Variants in LHFPL4 observed in about 807,000 individuals in gnomAD.
The protein encoded by LHFPL4 is LHFPL tetraspan subfamily member 4.
Under a neutral mutation model 20.0 loss-of-function variants are expected in LHFPL4, and 6 were observed. The observed-to-expected ratio is 0.30, with a 90% CI of 0.16 to 0.59. LHFPL4 has a LOEUF of 0.59. Ranked by LOEUF, LHFPL4 falls within the 20% of genes least tolerant of loss-of-function variation. The pLI is 0.88. For missense variants in LHFPL4, 215 were observed against 331.2 expected (o/e 0.65, Z 2.72); for synonymous variants, 129 against 143.8 (o/e 0.90, Z 0.74).
intron 2 of LHFPL4, among the ~76,000 whole-genome samples, chr3:9,528,971 G>A (rs2046392226): frequency 6.6e-6 from 1 of 150,626 alleles, no homozygotes; most frequent in Admixed American, 6.6e-5. Context: ...AGGCTGGAGT[G>A]CAGTAGCACG....
chr3:9,515,063 T>C (rs2046289992), intron 2 of LHFPL4, among the ~76,000 whole-genome samples: 1 of 152,218 alleles, frequency 6.6e-6, no homozygotes, highest in South Asian at 2.1e-4. Context: ...ACATTTATTT[T>C]TATAAGAAAC....
chr3:9,539,753 T>C (rs1275409757), intron 2 of LHFPL4, among the ~76,000 whole-genome samples: 2 of 152,078 alleles, frequency 1.3e-5, no homozygotes, highest in Non-Finnish European at 2.9e-5. Flanking sequence ...TAAAGAGCTC[T>C]TACAAATCAA....
intron 2 of LHFPL4, among the ~76,000 whole-genome samples, chr3:9,545,920 A>G (rs2046508994): frequency 6.6e-6 from 1 of 151,852 alleles, no homozygotes; most frequent in South Asian, 2.1e-4. Context: ...AATAAAAGAA[A>G]AGAAAGAAAG....
intron 2 of LHFPL4, among the ~76,000 whole-genome samples, chr3:9,515,408 C>G (rs998831934): frequency 3.3e-5 from 5 of 152,302 alleles, no homozygotes; most frequent in Admixed American, 3.3e-4. Flanking sequence ...GAGTCTCGCT[C>G]TGTTGCCCAG....
chr3:9,515,009 G>T (rs887597030), intron 2 of LHFPL4, among the ~76,000 whole-genome samples: 2 of 151,978 alleles, frequency 1.3e-5, no homozygotes, highest in African/African-American at 4.8e-5. Flanking sequence ...TATTCCTTTG[G>T]GTAAATACCA....
At chr3:9,511,697 G>C (rs1355108151) in intron 2 of LHFPL4, among the ~76,000 whole-genome samples, 1 of 152,212 alleles carries the variant, frequency 6.6e-6, no homozygotes, top group Admixed American at 6.5e-5. Flanking sequence ...AGTGCTCTGA[G>C]CCTGAGGGCC....
chr3:9,539,973 G>A (rs1239283851), intron 2 of LHFPL4, among the ~76,000 whole-genome samples: 1 of 152,154 alleles, frequency 6.6e-6, no homozygotes, highest in Admixed American at 6.6e-5. Flanking sequence ...AGGACATGGA[G>A]GAACAGGTAC....
intron 2 of LHFPL4, among the ~76,000 whole-genome samples, chr3:9,510,582 G>A (rs2046251410): frequency 6.6e-6 from 1 of 152,040 alleles, no homozygotes; most frequent in African/African-American, 2.4e-5. Flanking sequence ...GCCAGGAGGT[G>A]TTATGACAAA....
At chr3:9,516,471 T>A (rs2046302705) in intron 2 of LHFPL4, among the ~76,000 whole-genome samples, 1 of 151,862 alleles carries the variant, frequency 6.6e-6, no homozygotes, top group Non-Finnish European at 1.5e-5. Context: ...TACCACACTG[T>A]CTTTTTTTTT....
intron 2 of LHFPL4, among the ~76,000 whole-genome samples, chr3:9,542,527 C>T (rs552116684): frequency 1.3e-5 from 2 of 152,092 alleles, no homozygotes; most frequent in East Asian, 3.9e-4. Flanking sequence ...TATATAGTGC[C>T]CTGACATGGT....
chr3:9,517,307 A>G (rs2046309788), intron 2 of LHFPL4, among the ~76,000 whole-genome samples: 2 of 152,160 alleles, frequency 1.3e-5, no homozygotes. Flanking sequence ...AAGAACAAAC[A>G]TCTTGAAAAT....
rs146107164 is a variant in LHFPL4, at chr3:9,525,710, G to A, written c.407-19507C>T. ...AAGAGCAAGATTTCTTTGACACAAC[G>A]TCATCTGAAAAAAAGCAATCATAAT... On this transcript the variant is annotated intron_variant, in intron 2 of 3. Transcript: ENST00000287585. 3.6e-3 allele frequency among the ~76,000 whole-genome samples: 551 copies of A among 152,024 alleles called. 2 individuals carry two copies. The highest frequency in any genetic ancestry group is 0.01 in the Middle Eastern group (3 of 294).
At chr3:9,534,182 A>G (rs537671325) in intron 2 of LHFPL4, among the ~76,000 whole-genome samples, 2 of 151,796 alleles carry the variant, frequency 1.3e-5, no homozygotes, top group South Asian at 4.2e-4. Context: ...GTCCCACTGC[A>G]CTCCAGCCTG....
At chr3:9,503,118 CG>C (rs2046190405) in intron 3 of LHFPL4, among the ~76,000 whole-genome samples, 1 of 152,036 alleles carries the variant, frequency 6.6e-6, no homozygotes, top group African/African-American at 2.4e-5. Flanking sequence ...CACAGGTGCG[CG>C]CCATGGCTTT....
At chr3:9,546,817 C>A (rs1012928503) in intron 2 of LHFPL4, among the ~76,000 whole-genome samples, 2 of 152,186 alleles carry the variant, frequency 1.3e-5, no homozygotes, top group Non-Finnish European at 2.9e-5. Flanking sequence ...GAATGCTTCT[C>A]ATACACCAGG....
intron 2 of LHFPL4, among the ~76,000 whole-genome samples, chr3:9,511,732 A>G (rs1484419150): frequency 2.0e-5 from 3 of 152,186 alleles, no homozygotes; most frequent in Non-Finnish European, 2.9e-5. Context: ...TAAAAGACCT[A>G]TTAGTAAGTG....
At chr3:9,532,707 G>A (rs1201900269) in intron 2 of LHFPL4, among the ~76,000 whole-genome samples, 1 of 152,100 alleles carries the variant, frequency 6.6e-6, no homozygotes, top group Non-Finnish European at 1.5e-5. Context: ...CCTTTTTTGT[G>A]TTCAGTTGCC....
intron 2 of LHFPL4, among the ~76,000 whole-genome samples, chr3:9,526,395 G>A (rs1397476994): frequency 6.6e-6 from 1 of 152,148 alleles, no homozygotes; most frequent in East Asian, 1.9e-4. Context: ...TATGTCATGT[G>A]TATTTTACCA....
intron 2 of LHFPL4, among the ~76,000 whole-genome samples, chr3:9,531,702 G>T (rs13323823): frequency 0.32 from 48,316 of 151,962 alleles, 8,133 homozygotes; most frequent in Non-Finnish European, 0.37. Context: ...TTGGGAGACT[G>T]AGGCAGGAGA....
Sources: allele counts gnomAD v4.1 joint callset (sites outside exome capture counted in the v4.1 genomes callset), GRCh38; gene constraint gnomAD v4.1.1; transcripts MANE v1.5; gene names NCBI Gene and HGNC (gene_info 2026-07-23, HGNC 2026-07-21).